DNAH9: variants seen among roughly 807,000 people sequenced by gnomAD.
DNAH9 encodes dynein axonemal heavy chain 9.
DNAH9 carries 345 observed loss-of-function variants against 471.6 expected under a neutral mutation model. The observed-to-expected ratio is 0.73, with a 90% CI of 0.67 to 0.80. The LOEUF (loss-of-function observed/expected upper bound fraction) is 0.80. Among genes scored for constraint, DNAH9 ranks in the 30% least tolerant of loss-of-function variants. DNAH9 has a pLI of 0.00. For synonymous variants in DNAH9, 2,093 were observed against 2,123.6 expected, an observed-to-expected ratio of 0.99 and a Z score of 0.40; for missense variants, 5,407 against 5,609.2, an observed-to-expected ratio of 0.96 and a Z score of 1.15.
Position 11,629,561 on chromosome 17 carries a change from G to A in DNAH9, c.1495G>A (p.Asp499Asn), listed in dbSNP as rs752879194. The A allele has an allele frequency of 1.7e-5, 27 of 1,613,688 alleles. No individual in the cohort carries two copies. The highest frequency in any genetic ancestry group is 2.7e-5 in the African/African-American group (2 of 74,900). Residue 499 changes from aspartate (D) to asparagine (N), a missense_variant, in exon 7 of 69, where the codon GAC (aspartate) becomes AAC (asparagine). Around this residue, in one of 3 missense-constraint regions of DNAH9, gnomAD observed 767 missense variants for 692.5 expected, o/e 1.11. Coordinates refer to ENST00000262442, the MANE Select transcript of DNAH9 (RefSeq NM_001372.4). ...CAGGCTTCTCTCAGGATCCTCCTCCGACTGCCTGTACCTCCAAAGCACGGT... is the reference window on the plus strand; with the variant it reads ...CAGGCTTCTCTCAGGATCCTCCTCCAACTGCCTGTACCTCCAAAGCACGGT... ...MYRLLSGSSSDCLYLQSTDFE... is the reference protein window; with the variant it reads ...MYRLLSGSSSNCLYLQSTDFE...
At chr17:11,708,741 A>C (rs528571730) in intron 26 of DNAH9, among the ~76,000 whole-genome samples, 1 of 152,296 alleles carries the variant, frequency 6.6e-6, no homozygotes, top group African/African-American at 2.4e-5. Flanking sequence ...TTGGAATATA[A>C]GCTAATAGTT....
intron 14 of DNAH9, among the ~76,000 whole-genome samples, chr17:11,654,640 G>T (rs973327681): frequency 6.6e-6 from 1 of 151,654 alleles, no homozygotes; most frequent in African/African-American, 2.4e-5. Context: ...GTCTCTAAAA[G>T]TTCAGACACT....
rs371416405 is a variant in DNAH9, at chr17:11,604,317, C to T, written c.418-3812C>T. The stretch of plus-strand genomic sequence containing the variant: ...GATTACAGGTGTGAGCCGCCGCGCC[C>T]GTCCTCTTCCCAACTTCTTAACACC... On this transcript the variant is annotated intron_variant, in intron 1 of 68. Transcript: ENST00000262442. Among the ~76,000 whole-genome samples, 279 of 152,178 alleles carry T rather than the reference C, an allele frequency of 1.8e-3. 1 individual carries two copies. Among genetic ancestry groups the T allele is most frequent in the Middle Eastern group, 0.014 (4 of 294 alleles).
Position 11,892,199 on chromosome 17 carries a change from CT to C in DNAH9, c.11283+253del, listed in dbSNP as rs1973075118. Among the ~76,000 whole-genome samples, 2 of 152,094 alleles carry C rather than the reference CT, an allele frequency of 1.3e-5. No individual in the cohort carries two copies. Among genetic ancestry groups the C allele is most frequent in the Admixed American group, 1.3e-4 (2 of 15,272 alleles). On this transcript the variant is annotated intron_variant, in intron 58 of 68. Coordinates refer to ENST00000262442, the MANE Select transcript of DNAH9 (RefSeq NM_001372.4). The surrounding 1 kb of genome is among the most constrained non-coding windows in gnomAD (Gnocchi z 4.3). ...TGATCCTGGAAGATCTAAGATCTTC[CT>C]CAGCACAGCACTCCAGCAGCCACTA...
intron 53 of DNAH9, among the ~76,000 whole-genome samples, chr17:11,876,089 G>T (rs1360215004): frequency 1.3e-5 from 2 of 152,146 alleles, no homozygotes; most frequent in Non-Finnish European, 2.9e-5. Flanking sequence ...GTTCACAGAA[G>T]TTAAGTAATT....
At chr17:11,842,089 CAAGT>C (rs1332403371) in intron 49 of DNAH9, among the ~76,000 whole-genome samples, 3 of 151,820 alleles carry the variant, frequency 2.0e-5, no homozygotes, top group African/African-American at 7.3e-5. Flanking sequence ...TTAATATTAA[CAAGT>C]AATAAAAAAA....
intron 30 of DNAH9, among the ~76,000 whole-genome samples, chr17:11,742,794 C>T (rs1034488057): frequency 2.0e-4 from 31 of 152,286 alleles, no homozygotes; most frequent in Admixed American, 2.0e-4. Flanking sequence ...CTGCCTTGAA[C>T]GGAGAATTTC....
chr17:11,700,356 G>T (rs1399931552), intron 23 of DNAH9, among the ~76,000 whole-genome samples: 3 of 152,006 alleles, frequency 2.0e-5, no homozygotes, highest in Non-Finnish European at 2.9e-5. Context: ...TCCTCCCACA[G>T]CCTTCCCCTT....
Position 11,608,338 on chromosome 17 carries a change from A to G in DNAH9, c.614+13A>G, listed in dbSNP as rs1186908401. ...AAAGTGAGACAGTGTAAGTACCGCCAGCCTGGCCATATGGGCCTCTGAGAT... is the reference window on the plus strand; with the variant it reads ...AAAGTGAGACAGTGTAAGTACCGCCGGCCTGGCCATATGGGCCTCTGAGAT... On this transcript the variant is annotated intron_variant, in intron 2 of 68. Transcript: ENST00000262442. 6.3e-7 allele frequency: 1 copy of G among 1,586,300 alleles called. No individual in the cohort carries two copies.
chr17:11,754,875 T>C (rs1967307749), intron 33 of DNAH9, among the ~76,000 whole-genome samples: 1 of 152,268 alleles, frequency 6.6e-6, no homozygotes, highest in South Asian at 2.1e-4. Context: ...CAATGGCTTT[T>C]GGCATCTTTG....
At chr17:11,840,277 A>G (rs1235392918) in intron 49 of DNAH9, among the ~76,000 whole-genome samples, 1 of 152,238 alleles carries the variant, frequency 6.6e-6, no homozygotes, top group Non-Finnish European at 1.5e-5. Flanking sequence ...AATACACTGT[A>G]TGGTCTCACA....
Position 11,689,716 on chromosome 17 carries a change from G to C in DNAH9, c.3894G>C (p.Glu1298Asp). Residue 1298 changes from glutamate (E) to aspartate (D), a missense_variant, in exon 20 of 69, where the codon GAG becomes GAC. By Grantham distance (45) the Glu-to-Asp change is conservative. Transcript: ENST00000262442. ...AGCAGCTGAGGCAGTGCAGGAAGGA[G>C]GTCTGCCAGCTGAAGGAGCTCTGGG... ...DYKQLRQCRKEVCQLKELWDT... is the reference protein window; with the variant it reads ...DYKQLRQCRKDVCQLKELWDT... The C allele has an allele frequency of 3.1e-6, 5 of 1,614,210 alleles. No individual in the cohort carries two copies. The highest frequency in any genetic ancestry group is 4.2e-6 in the Non-Finnish European group (5 of 1,180,036).
intron 1 of DNAH9, among the ~76,000 whole-genome samples, chr17:11,602,059 A>T (rs2072398116): frequency 6.6e-6 from 1 of 152,132 alleles, no homozygotes; most frequent in Non-Finnish European, 1.5e-5. Context: ...TCCTCCTCCA[A>T]CCACATCATT....
chr17:11,953,722 A>ATT lies in DNAH9; in HGVS notation c.12844-8145_12844-8144insTT, dbSNP rs1216492872. On this transcript the variant is annotated intron_variant, in intron 67 of 68. Coordinates refer to ENST00000262442, the MANE Select transcript of DNAH9 (RefSeq NM_001372.4). ...TGCAGTGAGTGGAGATCGCCACTGC[A>ATT]CTCCAGCCTGGGCCACAGAGAGAGA... Among the ~76,000 whole-genome samples, 5 of 145,716 alleles carry ATT rather than the reference A, an allele frequency of 3.4e-5. No individual in the cohort carries two copies. The Admixed American group carries it at 3.6e-4, about 10-fold the overall frequency.
intron 43 of DNAH9, among the ~76,000 whole-genome samples, chr17:11,798,884 A>T (rs912003551): frequency 2.0e-5 from 3 of 151,922 alleles, no homozygotes; most frequent in Admixed American, 2.0e-4. Context: ...CCCCAATGGC[A>T]CATTTAAGTC....
At chr17:11,876,392 T>C (rs1972483066) in intron 53 of DNAH9, among the ~76,000 whole-genome samples, 1 of 151,976 alleles carries the variant, frequency 6.6e-6, no homozygotes, top group African/African-American at 2.4e-5. Context: ...CCCATAAATA[T>C]ATACACCCAT....
chr17:11,750,055 T>C (rs946595792), intron 32 of DNAH9, among the ~76,000 whole-genome samples: 9 of 152,174 alleles, frequency 5.9e-5, no homozygotes, highest in Non-Finnish European at 1.3e-4. Context: ...ACATTAAATT[T>C]GGGAAAATTG....
chr17:11,943,219 T>C (rs1975000704), intron 67 of DNAH9, among the ~76,000 whole-genome samples: 1 of 152,026 alleles, frequency 6.6e-6, no homozygotes, highest in African/African-American at 2.4e-5. Context: ...ATTAAAAGAA[T>C]TGTAAATGAA....
chr17:11,679,154 C>G (rs2074093696), intron 17 of DNAH9, among the ~76,000 whole-genome samples: 1 of 152,028 alleles, frequency 6.6e-6, no homozygotes, highest in South Asian at 2.1e-4. Context: ...AATCTTAAGA[C>G]AGTTTTTGAT....
Sources: allele counts gnomAD v4.1 joint callset (sites outside exome capture counted in the v4.1 genomes callset), GRCh38; gene constraint gnomAD v4.1.1; regional missense constraint gnomAD v4.1.1; non-coding constraint Gnocchi (gnomAD v3.1); transcripts MANE v1.5; gene names NCBI Gene and HGNC (gene_info 2026-07-23, HGNC 2026-07-21).